CSMD1: variants seen among roughly 807,000 people sequenced by gnomAD.
CSMD1 encodes CUB and Sushi multiple domains 1.
A neutral mutation model predicts 417.5 loss-of-function variants in CSMD1; 213 were observed. That is an observed-to-expected ratio of 0.51 (90% confidence interval 0.46 to 0.57). The LOEUF (loss-of-function observed/expected upper bound fraction) is 0.57. Ranked by LOEUF, CSMD1 falls within the 20% of genes least tolerant of loss-of-function variation. CSMD1 has a pLI of 0.00. For synonymous variants in CSMD1, 2,862 were observed against 1,736.8 expected, an observed-to-expected ratio of 1.65 and a Z score of -16.11; for missense variants, 6,923 against 4,529.7, an observed-to-expected ratio of 1.53 and a Z score of -15.17.
chr8:3,310,629 G>A (rs573840332), intron 23 of CSMD1, among the ~76,000 whole-genome samples: 1 of 152,186 alleles, frequency 6.6e-6, no homozygotes, highest in Non-Finnish European at 1.5e-5. Flanking sequence ...AAACTTTTGA[G>A]TTCAGCATCT....
chr8:4,564,421 C>G (rs866324277), intron 2 of CSMD1, among the ~76,000 whole-genome samples: 13 of 152,102 alleles, frequency 8.5e-5, no homozygotes, highest in African/African-American at 3.1e-4. Context: ...AGTGGAAATT[C>G]AAGATCAAGG....
intron 9 of CSMD1, among the ~76,000 whole-genome samples, chr8:3,583,679 C>G (rs1434233143): frequency 6.6e-6 from 1 of 152,024 alleles, no homozygotes; most frequent in Non-Finnish European, 1.5e-5. Flanking sequence ...GATTTTGAAA[C>G]TTCTCAGCCT....
chr8:3,617,358 G>A (rs1238983558), intron 7 of CSMD1, among the ~76,000 whole-genome samples: 1 of 152,154 alleles, frequency 6.6e-6, no homozygotes, highest in African/African-American at 2.4e-5. Flanking sequence ...GTTGGGACTT[G>A]CACCATCACA....
chr8:4,558,852 A>C (rs1798206925), intron 2 of CSMD1, among the ~76,000 whole-genome samples: 1 of 152,226 alleles, frequency 6.6e-6, no homozygotes, highest in African/African-American at 2.4e-5. Context: ...TGGGCAACAA[A>C]GTGAGACTCC....
intron 1 of CSMD1, among the ~76,000 whole-genome samples, chr8:4,754,813 C>T (rs887343131): frequency 2.6e-5 from 4 of 152,114 alleles, no homozygotes; most frequent in Non-Finnish European, 5.9e-5. Context: ...CGCACCACTG[C>T]ACTCCAGCCT....
At chr8:4,595,560 T>C (rs1442773957) in intron 2 of CSMD1, among the ~76,000 whole-genome samples, 1 of 152,090 alleles carries the variant, frequency 6.6e-6, no homozygotes, top group African/African-American at 2.4e-5. Context: ...ACAGAAACCA[T>C]ACATTCTCAG....
At chr8:4,800,586 C>G (rs1159020110) in intron 1 of CSMD1, among the ~76,000 whole-genome samples, 1 of 152,198 alleles carries the variant, frequency 6.6e-6, no homozygotes, top group Non-Finnish European at 1.5e-5. Context: ...AGAGGCAGAG[C>G]AGGGAAGGAC....
At chr8:3,010,014 C>A (rs1219395749) in intron 52 of CSMD1, among the ~76,000 whole-genome samples, 1 of 152,170 alleles carries the variant, frequency 6.6e-6, no homozygotes, top group Non-Finnish European at 1.5e-5. Context: ...CCATTTCCAC[C>A]TTCTTCCCTG....
intron 10 of CSMD1, among the ~76,000 whole-genome samples, chr8:3,568,515 A>C (rs1188411257): frequency 6.6e-6 from 1 of 152,210 alleles, no homozygotes; most frequent in Non-Finnish European, 1.5e-5. Flanking sequence ...ATAGCAACAA[A>C]AGTATTGCAC....
intron 49 of CSMD1, among the ~76,000 whole-genome samples, chr8:3,079,291 T>G (rs189662761): frequency 6.6e-6 from 1 of 152,330 alleles, no homozygotes; most frequent in East Asian, 1.9e-4. Context: ...ACATAATGCC[T>G]ACAACCTATA....
chr8:3,565,892 G>C (rs1426571134), intron 10 of CSMD1, among the ~76,000 whole-genome samples: 3 of 151,942 alleles, frequency 2.0e-5, no homozygotes, highest in Non-Finnish European at 4.4e-5. Context: ...GTTAGAATAA[G>C]GCTCTAGATT....
intron 2 of CSMD1, among the ~76,000 whole-genome samples, chr8:4,585,159 G>A (rs968653176): frequency 2.0e-5 from 3 of 150,844 alleles, no homozygotes; most frequent in Non-Finnish European, 4.4e-5. Context: ...AAAGTTAGCA[G>A]AAGTTGCCTT....
chr8:2,971,819 C>A (rs1804482575), intron 57 of CSMD1, among the ~76,000 whole-genome samples: 1 of 152,124 alleles, frequency 6.6e-6, no homozygotes, highest in Non-Finnish European at 1.5e-5. Context: ...CTATGGGTAA[C>A]CATTTCTCAC....
intron 5 of CSMD1, among the ~76,000 whole-genome samples, chr8:3,831,872 T>A (rs1369409577): frequency 1.3e-5 from 2 of 152,204 alleles, no homozygotes; most frequent in Non-Finnish European, 2.9e-5. Flanking sequence ...ATCTTTGTGA[T>A]TCAGGTCATA....
chr8:4,332,554 C>T (rs901315099), intron 3 of CSMD1, among the ~76,000 whole-genome samples: 2 of 12,682 alleles, frequency 1.6e-4, no homozygotes, highest in South Asian at 6.0e-3. Flanking sequence ...ATATCACATA[C>T]ACACACACAC....
intron 3 of CSMD1, among the ~76,000 whole-genome samples, chr8:4,263,616 T>G (rs1296610201): frequency 6.6e-6 from 1 of 152,134 alleles, no homozygotes; most frequent in Non-Finnish European, 1.5e-5. Flanking sequence ...TCCAGGAAAT[T>G]GTCAAATAGG....
chr8:3,626,198 G>C (rs145257210), intron 7 of CSMD1, among the ~76,000 whole-genome samples: 12 of 152,326 alleles, frequency 7.9e-5, no homozygotes, highest in African/African-American at 2.9e-4. Context: ...CAAATGCAGA[G>C]TGACTGTCAC....
At chr8:3,494,349 C>A (rs993871711) in intron 10 of CSMD1, among the ~76,000 whole-genome samples, 1 of 152,144 alleles carries the variant, frequency 6.6e-6, no homozygotes, top group Non-Finnish European at 1.5e-5. Flanking sequence ...TAACTTCTTT[C>A]TGTAGAGCAC....
rs535984011 is a variant in CSMD1, at chr8:4,966,354, G to A, written c.85+27978C>T. ...AGATCACACCATTGCACTCCAGCCTGGGCAACAAGAGTGAAACTCCATCTC... is the reference window on the plus strand; with the variant it reads ...AGATCACACCATTGCACTCCAGCCTAGGCAACAAGAGTGAAACTCCATCTC... On this transcript the variant is annotated intron_variant, in intron 1 of 69. Transcript: ENST00000635120. 1.6e-3 allele frequency among the ~76,000 whole-genome samples: 251 copies of A among 152,190 alleles called. 1 individual carries two copies. The highest frequency in any genetic ancestry group is 5.9e-3 in the African/African-American group (246 of 41,518).
Sources: gnomAD v4.1 joint callset for allele counts (sites outside exome capture counted in the v4.1 genomes callset) on GRCh38, gnomAD v4.1.1 for gene constraint, MANE v1.5 for transcripts, NCBI Gene and HGNC (gene_info 2026-07-23, HGNC 2026-07-21) for gene names.